OR1J2: variants seen among roughly 807,000 people sequenced by gnomAD.
OR1J2 encodes olfactory receptor 1J2.
For missense variants in OR1J2, 304 were observed against 246.1 expected, an observed-to-expected ratio of 1.24 and a Z score of -1.57; for synonymous variants, 142 against 99.7, an observed-to-expected ratio of 1.42 and a Z score of -2.52.
chr9:122,464,286 ACTC>A, the OR1J2 span, among the ~76,000 whole-genome samples: 1 of 151,998 alleles, frequency 6.6e-6, no homozygotes, highest in African/African-American at 2.4e-5. Context: ...GGCTGGTCTC[ACTC>A]CCAAGGTGCT....
the OR1J2 span, among the ~76,000 whole-genome samples, chr9:122,490,070 C>T: frequency 6.6e-6 from 1 of 152,176 alleles, no homozygotes; most frequent in Non-Finnish European, 1.5e-5. Flanking sequence ...CATCTGATAA[C>T]ATAAGTCCAG....
At chr9:122,553,070 T>C in the OR1J2 span, 3 of 816,412 alleles carry the variant, frequency 3.7e-6, no homozygotes, top group South Asian at 3.6e-5. Flanking sequence ...GAGATTCTTA[T>C]TGGCAAAGAC....
At chr9:122,558,276 A>T in the OR1J2 span, among the ~76,000 whole-genome samples, 1 of 111,862 alleles carries the variant, frequency 8.9e-6, no homozygotes, top group South Asian at 3.2e-4. Context: ...TTAGTTTCCT[A>T]GTGGGGAAGC....
chr9:122,519,534 T>C, the OR1J2 span: 1 of 1,614,070 alleles, frequency 6.2e-7, no homozygotes, highest in Non-Finnish European at 8.5e-7. Context: ...CCCCCTCCGC[T>C]ACACCACTAT....
At chr9:122,456,013 G>A in the OR1J2 span, among the ~76,000 whole-genome samples, 1 of 152,114 alleles carries the variant, frequency 6.6e-6, no homozygotes, top group African/African-American at 2.4e-5. Context: ...ACATATATGA[G>A]TTTATTTCTG....
At chr9:122,479,665 G>A in the OR1J2 span, among the ~76,000 whole-genome samples, 1 of 152,284 alleles carries the variant, frequency 6.6e-6, no homozygotes, top group South Asian at 2.1e-4. Context: ...GTACCAGAAG[G>A]ACGAGACAAT....
At chr9:122,559,977 G>C in the OR1J2 span, among the ~76,000 whole-genome samples, 3 of 152,168 alleles carry the variant, frequency 2.0e-5, no homozygotes, top group Middle Eastern at 3.2e-3. Flanking sequence ...TCTCTTTGTA[G>C]GTCTCTAAGA....
chr9:122,553,625 T>G, the OR1J2 span: 16 of 1,614,016 alleles, frequency 9.9e-6, no homozygotes, highest in African/African-American at 1.3e-5. Context: ...ACAGCACATC[T>G]ATGAGTCCCC....
the OR1J2 span, among the ~76,000 whole-genome samples, chr9:122,550,767 T>G: frequency 1.3e-5 from 2 of 152,000 alleles, no homozygotes; most frequent in Non-Finnish European, 2.9e-5. Flanking sequence ...ATAAAAGCCA[T>G]ATGTGACAAA....
chr9:122,562,724 A>C, the OR1J2 span, among the ~76,000 whole-genome samples: 1 of 152,090 alleles, frequency 6.6e-6, no homozygotes, highest in Non-Finnish European at 1.5e-5. Flanking sequence ...TGTTTTCTGA[A>C]TTCAACTTTT....
the OR1J2 span, among the ~76,000 whole-genome samples, chr9:122,486,465 C>T: frequency 1.3e-5 from 2 of 152,126 alleles, no homozygotes; most frequent in Non-Finnish European, 2.9e-5. Context: ...CCTGAGAGCA[C>T]TCAAGAATTT....
At chr9:122,519,618 A>G in the OR1J2 span, 1 of 1,613,086 alleles carries the variant, frequency 6.2e-7, no homozygotes, top group Non-Finnish European at 8.5e-7. Flanking sequence ...CCTGTCTCAC[A>G]CTCTCCTCCT....
chr9:122,453,632 G>A, the OR1J2 span, among the ~76,000 whole-genome samples: 28 of 152,168 alleles, frequency 1.8e-4, 1 homozygote, highest in Non-Finnish European at 2.6e-4. Flanking sequence ...CATAATCATC[G>A]TATTGGAAAT....
chr9:122,517,119 A>G, the OR1J2 span, among the ~76,000 whole-genome samples: 3 of 152,170 alleles, frequency 2.0e-5, no homozygotes, highest in Non-Finnish European at 4.4e-5. Flanking sequence ...CAGATTAGAG[A>G]TGAGAAAACT....
the OR1J2 span, among the ~76,000 whole-genome samples, chr9:122,452,141 G>A: frequency 1.8e-3 from 270 of 152,236 alleles, no homozygotes; most frequent in African/African-American, 5.9e-3. Context: ...GCCTCCCAAG[G>A]TGCTGGGATT....
chr9:122,568,367 C>G, the OR1J2 span: 4 of 1,613,902 alleles, frequency 2.5e-6, no homozygotes, highest in Non-Finnish European at 3.4e-6. Context: ...TTATGGTGAC[C>G]AGGTACACGA....
chr9:122,452,928 T>C, the OR1J2 span, among the ~76,000 whole-genome samples: 2 of 149,994 alleles, frequency 1.3e-5, no homozygotes, highest in Non-Finnish European at 2.9e-5. Flanking sequence ...CTCAGGAGGC[T>C]GAGCCAGGAG....
chr9:122,530,855 C>T, the OR1J2 span, among the ~76,000 whole-genome samples: 1 of 152,082 alleles, frequency 6.6e-6, no homozygotes, highest in Non-Finnish European at 1.5e-5. Context: ...AGGAATTTCA[C>T]AAGATAATGT....
the OR1J2 span, among the ~76,000 whole-genome samples, chr9:122,518,667 G>T: frequency 6.6e-6 from 1 of 152,014 alleles, no homozygotes; most frequent in Non-Finnish European, 1.5e-5. Context: ...GAAAACTTTG[G>T]CTGTTTATCT....
Sources: gnomAD v4.1 joint callset for allele counts (sites outside exome capture counted in the v4.1 genomes callset) on GRCh38, gnomAD v4.1.1 for gene constraint, MANE v1.5 for transcripts, NCBI Gene and HGNC (gene_info 2026-07-23, HGNC 2026-07-21) for gene names.